Variants in RARB observed in about 807,000 individuals in gnomAD.
RARB encodes retinoic acid receptor beta, also known as HBV-activated protein.
In RARB, 17 loss-of-function variants were observed where a neutral mutation model predicts 51.9. The observed-to-expected ratio is 0.33, with a 90% CI of 0.22 to 0.49. RARB has a LOEUF of 0.49. Ranked by LOEUF, RARB falls within the 20% of genes least tolerant of loss-of-function variation. RARB has a pLI of 0.99. For missense variants in RARB, 369 were observed against 550.8 expected (o/e 0.67, Z 3.30); for synonymous variants, 215 against 195.4 (o/e 1.10, Z -0.84).
chr3:24,917,562 G>T (rs1173682097), intron 2 of RARB, among the ~76,000 whole-genome samples: 1 of 152,220 alleles, frequency 6.6e-6, no homozygotes, highest in Admixed American at 6.5e-5. Flanking sequence ...ACACAGGCTT[G>T]CTCTGTCACC....
chr3:25,577,321 T>G (rs1700978826), intron 4 of RARB, among the ~76,000 whole-genome samples: 1 of 151,954 alleles, frequency 6.6e-6, no homozygotes, highest in African/African-American at 2.4e-5. Flanking sequence ...GTAAAGAGAG[T>G]CGGTGATCGT....
intron 3 of RARB, among the ~76,000 whole-genome samples, chr3:25,130,763 A>G (rs1374492764): frequency 6.6e-6 from 1 of 151,694 alleles, no homozygotes; most frequent in Non-Finnish European, 1.5e-5. Context: ...TCATCTTGCT[A>G]TCTCCTGCAG....
Position 25,446,735 on chromosome 3 carries a change from G to A in RARB, c.158-14458G>A, listed in dbSNP as rs574258302. On this transcript the variant is annotated intron_variant, in intron 1 of 7. Transcript: ENST00000330688. ...GGAGAATAGCGTGAACCCGGGAGGCGGAGCTGGCAGTGAGCCGAGATTGCA... is the reference window on the plus strand; with the variant it reads ...GGAGAATAGCGTGAACCCGGGAGGCAGAGCTGGCAGTGAGCCGAGATTGCA... Among the ~76,000 whole-genome samples the A allele has an allele frequency of 7.3e-4, 108 of 148,370 alleles. 1 individual carries two copies. The highest frequency in any genetic ancestry group is 2.2e-3 in the African/African-American group (87 of 39,788).
intron 2 of RARB, among the ~76,000 whole-genome samples, chr3:25,053,968 A>G (rs537995414): frequency 6.6e-6 from 1 of 152,254 alleles, no homozygotes; most frequent in South Asian, 2.1e-4. Flanking sequence ...TCCTACAGAT[A>G]TGGCTTGTGC....
At chr3:24,996,521 A>G (rs1303780859) in intron 2 of RARB, among the ~76,000 whole-genome samples, 1 of 151,476 alleles carries the variant, frequency 6.6e-6, no homozygotes, top group Non-Finnish European at 1.5e-5. Context: ...TTGCTTTTCT[A>G]CTTCCTTGAG....
intron 3 of RARB, among the ~76,000 whole-genome samples, chr3:25,065,677 T>G (rs111248076): frequency 1.3e-5 from 2 of 152,228 alleles, no homozygotes; most frequent in African/African-American, 4.8e-5. Flanking sequence ...TTCAAATAAA[T>G]GTGTAGTTGA....
chr3:25,478,736 G>A (rs1182628403), intron 2 of RARB, among the ~76,000 whole-genome samples: 11 of 152,206 alleles, frequency 7.2e-5, no homozygotes, highest in Admixed American at 3.9e-4. Flanking sequence ...CCAGCTTTAT[G>A]GAAACAGACC....
intron 3 of RARB, among the ~76,000 whole-genome samples, chr3:25,130,262 C>T (rs185328259): frequency 6.6e-6 from 1 of 152,096 alleles, no homozygotes; most frequent in East Asian, 1.9e-4. Flanking sequence ...AAGTCTTTCC[C>T]CTCTAGTGGA....
At chr3:25,165,625 G>A (rs567099074) in intron 4 of RARB, among the ~76,000 whole-genome samples, 5 of 152,064 alleles carry the variant, frequency 3.3e-5, no homozygotes, top group Non-Finnish European at 5.9e-5. Flanking sequence ...GCCTACCACC[G>A]CTTTTCTCAA....
intron 5 of RARB, among the ~76,000 whole-genome samples, chr3:25,354,832 T>A (rs1456226637): frequency 1.3e-5 from 2 of 152,126 alleles, no homozygotes; most frequent in Admixed American, 1.3e-4. Context: ...CTGAGTTTCA[T>A]GAACTGGGAA....
intron 5 of RARB, among the ~76,000 whole-genome samples, chr3:25,234,332 G>C (rs1282507144): frequency 6.6e-6 from 1 of 152,032 alleles, no homozygotes; most frequent in Non-Finnish European, 1.5e-5. Flanking sequence ...TAAGTTATTA[G>C]ACTTTGTGTC....
At position 24,894,749 on chromosome 3, in the gene RARB, G is replaced by T. The variant is rs544874538; in HGVS notation, c.-380+35997G>T. On this transcript the variant is annotated intron_variant, in intron 2 of 11. Coordinates refer to the RARB transcript ENST00000383772. ...AAATAATTCAGTTACTTAGCATATT[G>T]CTGGAGTAACCATAATATATCAATT... is the stretch of plus-strand genomic sequence containing the variant. 2.0e-5 allele frequency among the ~76,000 whole-genome samples: 3 copies of T among 152,300 alleles called. No homozygotes were observed. The East Asian group carries it at 5.8e-4, about 29-fold the overall frequency.
chr3:25,167,090 C>G (rs1207785171), intron 4 of RARB, among the ~76,000 whole-genome samples: 1 of 152,178 alleles, frequency 6.6e-6, no homozygotes, highest in Non-Finnish European at 1.5e-5. Context: ...CTTGTCTCAT[C>G]TGTGGTCTTG....
intron 2 of RARB, among the ~76,000 whole-genome samples, chr3:25,013,661 T>A (rs1264034195): frequency 6.6e-6 from 1 of 151,978 alleles, no homozygotes; most frequent in East Asian, 1.9e-4. Flanking sequence ...TCAAGGACAA[T>A]ACAACCTACA....
chr3:25,349,732 AT>A (rs1705502213), intron 5 of RARB, among the ~76,000 whole-genome samples: 1 of 152,216 alleles, frequency 6.6e-6, no homozygotes, highest in Non-Finnish European at 1.5e-5. Flanking sequence ...TAATTTTGAA[AT>A]TGAAAGTCAT....
chr3:25,420,053 T>C (rs1280171497), intron 5 of RARB, among the ~76,000 whole-genome samples: 2 of 152,180 alleles, frequency 1.3e-5, no homozygotes, highest in Non-Finnish European at 2.9e-5. Flanking sequence ...AACTATTTTT[T>C]TAACCAAAAA....
intron 5 of RARB, among the ~76,000 whole-genome samples, chr3:25,263,856 C>T (rs1336715825): frequency 6.6e-6 from 1 of 152,186 alleles, no homozygotes; most frequent in African/African-American, 2.4e-5. Context: ...CGCCTCCTCC[C>T]AGTCAACAAA....
At chr3:25,569,716 A>G (rs751913758) in intron 3 of RARB, 42 bp from the exon 4 acceptor site, 3 of 1,591,488 alleles carry the variant, frequency 1.9e-6, no homozygotes, top group Middle Eastern at 1.8e-4. Flanking sequence ...GCACAGGCCC[A>G]GCCTTCAGCG....
intron 5 of RARB, among the ~76,000 whole-genome samples, chr3:25,380,566 C>G (rs1444063731): frequency 6.6e-6 from 1 of 151,690 alleles, no homozygotes; most frequent in Non-Finnish European, 1.5e-5. Context: ...GCATGCCAAC[C>G]CTTAGTGAAA....
Sources: allele counts gnomAD v4.1 joint callset (sites outside exome capture counted in the v4.1 genomes callset), GRCh38; gene constraint gnomAD v4.1.1; transcripts MANE v1.5; gene names NCBI Gene and HGNC (gene_info 2026-07-23, HGNC 2026-07-21).